Variants in COL9A1 observed in about 807,000 individuals in gnomAD.
COL9A1 encodes collagen alpha-1(IX) chain.
COL9A1 carries 104 observed loss-of-function variants against 142.6 expected under a neutral mutation model. That is an observed-to-expected ratio of 0.73 (90% CI 0.62 to 0.86). The LOEUF (loss-of-function observed/expected upper bound fraction) is 0.86, where lower values mean the gene tolerates loss of function less well. Ranked by LOEUF, COL9A1 falls within the 40% of genes least tolerant of loss-of-function variation. COL9A1 has a pLI of 0.00. For synonymous variants in COL9A1, 466 were observed against 396.0 expected (o/e 1.18, Z -2.10); for missense variants, 1,210 against 1,176.6 (o/e 1.03, Z -0.42).
chr6:70,301,960 G>C, intron 2 of COL9A1, 41 bp downstream of exon 2: 1 of 1,501,112 alleles, frequency 6.7e-7, no homozygotes. Context: ...TCATTTCTGG[G>C]AATAAGTGAT....
intron 10 of COL9A1, among the ~76,000 whole-genome samples, chr6:70,278,557 G>A (rs751394184): frequency 6.6e-6 from 1 of 152,170 alleles, no homozygotes. Context: ...AATACTGGCA[G>A]ATACAGGGAT....
At chr6:70,302,806 G>T in intron 1 of COL9A1, 105 bp downstream of exon 1, 1 of 1,242,826 alleles carries the variant, frequency 8.0e-7, no homozygotes, top group Non-Finnish European at 1.2e-6. Context: ...CTCACCTTGA[G>T]GCTCACCTAC....
chr6:70,254,009 G>T (rs1289920244), intron 25 of COL9A1, among the ~76,000 whole-genome samples: 1 of 152,090 alleles, frequency 6.6e-6, no homozygotes, highest in Non-Finnish European at 1.5e-5. Flanking sequence ...AATACACGTG[G>T]TACAATCCAC....
At position 70,283,769 on chromosome 6, in the gene COL9A1, C is replaced by G; in HGVS notation, c.748G>C (p.Glu250Gln). The part of the protein sequence containing the change: ...IHCDPLRPRR[E>Q]TCHELPARIT... ...CTGGCTGGCAGCTCATGGCAAGTTT[C>G]TCTCCTGGGCCGCAGGGGGTCACAA... Residue 250 changes from glutamate to glutamine, a missense_variant, in exon 6 of 38, where the codon GAA becomes CAA. Coordinates refer to ENST00000357250, the MANE Select transcript of COL9A1 (RefSeq NM_001851.6). 1 of 1,611,994 alleles carries G rather than the reference C, an allele frequency of 6.2e-7. No individual in the cohort carries two copies. The highest frequency in any genetic ancestry group is 8.5e-7 in the Non-Finnish European group (1 of 1,179,232).
intron 5 of COL9A1, among the ~76,000 whole-genome samples, chr6:70,286,994 C>T (rs528902233): frequency 6.6e-6 from 1 of 152,288 alleles, no homozygotes; most frequent in East Asian, 1.9e-4. Flanking sequence ...AAGGCAGTAT[C>T]TAAGCAGAAA....
intron 20 of COL9A1, among the ~76,000 whole-genome samples, chr6:70,257,112 G>A (rs1468524118): frequency 7.0e-6 from 1 of 142,652 alleles, no homozygotes; most frequent in Non-Finnish European, 1.5e-5. Context: ...CCAGGCTGGA[G>A]TGCAGTGGCG....
intron 4 of COL9A1, among the ~76,000 whole-genome samples, chr6:70,295,281 CTTTTTTTTT>C (rs1171549562): frequency 1.9e-4 from 12 of 63,164 alleles, no homozygotes; most frequent in Non-Finnish European, 2.8e-4. Context: ...GTTGTTGCTT[CTTTTTTTTT>C]TTTTTTTTTT....
At chr6:70,279,963 C>A in intron 10 of COL9A1, 1 of 679,802 alleles carries the variant, frequency 1.5e-6, no homozygotes, top group South Asian at 1.7e-5. Context: ...TAAGAACAGA[C>A]GCCATTTCTT....
chr6:70,230,794 G>C (rs1769491550), intron 36 of COL9A1, among the ~76,000 whole-genome samples: 1 of 152,156 alleles, frequency 6.6e-6, no homozygotes, highest in African/African-American at 2.4e-5. Flanking sequence ...TCTGAGAATG[G>C]GATCCAGATA....
intron 17 of COL9A1, among the ~76,000 whole-genome samples, chr6:70,267,686 G>A (rs182061495): frequency 1.1e-4 from 16 of 152,306 alleles, no homozygotes; most frequent in African/African-American, 3.8e-4. Flanking sequence ...AGCTGCATTG[G>A]ATGAAAATAT....
chr6:70,295,438 C>A (rs188546933), intron 4 of COL9A1, among the ~76,000 whole-genome samples: 18 of 151,868 alleles, frequency 1.2e-4, no homozygotes, highest in Middle Eastern at 3.4e-3. Context: ...AGGCGCCCAC[C>A]ATTATGCCTG....
Position 70,281,401 on chromosome 6 carries a change from C to T in COL9A1, c.865G>A (p.Asp289Asn), listed in dbSNP as rs1158012793. The change falls in exon 8 of 38, where the codon GAT becomes AAT. Residue 289 changes from aspartate to asparagine, a missense_variant. Coordinates refer to ENST00000357250, the MANE Select transcript of COL9A1 (RefSeq NM_001851.6). ...PPGPPGVPGI[D>N]GIDGDRGPKG... ...AGATAGAAACTTACGTCGATGCCAT[C>T]GATGCCTGGAACTCCAGGGGGGCCC... 5 of 1,612,504 alleles carry T rather than the reference C, an allele frequency of 3.1e-6. No homozygotes were observed. Among genetic ancestry groups the T allele is most frequent in the African/African-American group, 1.3e-5 (1 of 74,698 alleles).
intron 20 of COL9A1, among the ~76,000 whole-genome samples, chr6:70,258,897 G>A (rs971640401): frequency 2.6e-4 from 39 of 151,954 alleles, no homozygotes; most frequent in African/African-American, 8.9e-4. Context: ...ATATTCTAGG[G>A]GATGATTTAA....
chr6:70,286,134 G>T (rs887229044), intron 5 of COL9A1, among the ~76,000 whole-genome samples: 1 of 152,038 alleles, frequency 6.6e-6, no homozygotes, highest in African/African-American at 2.4e-5. Context: ...TGATCCGCCT[G>T]CCTCGGCCTC....
chr6:70,277,305 C>A (rs1170234694), intron 10 of COL9A1, among the ~76,000 whole-genome samples: 2 of 151,528 alleles, frequency 1.3e-5, no homozygotes, highest in African/African-American at 4.9e-5. Context: ...AAGGTTAGGA[C>A]CAAGTTCTGT....
chr6:70,233,688 T>C (rs561285065), intron 35 of COL9A1, among the ~76,000 whole-genome samples: 1 of 152,334 alleles, frequency 6.6e-6, no homozygotes, highest in Non-Finnish European at 1.5e-5. Flanking sequence ...AAATAGACTT[T>C]CAGGACAAAA....
chr6:70,218,241 G>C (rs532911506), intron 37 of COL9A1, among the ~76,000 whole-genome samples: 13 of 152,320 alleles, frequency 8.5e-5, no homozygotes, highest in Admixed American at 5.2e-4. Context: ...TCTTTTAGAA[G>C]GCTGTGCCAT....
intron 19 of COL9A1, chr6:70,260,954 A>C: frequency 2.3e-6 from 1 of 430,078 alleles, no homozygotes; most frequent in Non-Finnish European, 4.2e-6. Context: ...AAAATCACTT[A>C]TGACAAAAAA....
chr6:70,255,308 A>G, intron 22 of COL9A1, 29 bp downstream of exon 22: 2 of 1,613,262 alleles, frequency 1.2e-6, no homozygotes, highest in South Asian at 2.2e-5. Flanking sequence ...GAAAAGCAGG[A>G]GGCTTGGAGT....
Sources: gnomAD v4.1 joint callset for allele counts (sites outside exome capture counted in the v4.1 genomes callset) on GRCh38, gnomAD v4.1.1 for gene constraint, MANE v1.5 for transcripts, NCBI Gene and HGNC (gene_info 2026-07-23, HGNC 2026-07-21) for gene names.